The following NRF1 variants were observed in gnomAD, a reference collection of about 807,000 sequenced individuals.
NRF1 encodes the protein nuclear respiratory factor 1.
In NRF1, 5 loss-of-function variants were observed where a neutral mutation model predicts 58.5. The ratio of observed to expected loss-of-function variants is 0.09; its 90% CI spans 0.04 to 0.18. NRF1 has a LOEUF of 0.18. Among genes scored for constraint, NRF1 ranks in the 10% least tolerant of loss-of-function variants. The pLI is 1.00. For synonymous variants in NRF1, 224 were observed against 246.7 expected, an observed-to-expected ratio of 0.91 and a Z score of 0.86; for missense variants, 288 against 657.7, an observed-to-expected ratio of 0.44 and a Z score of 6.15.
intron 10 of NRF1, among the ~76,000 whole-genome samples, chr7:129,733,777 G>A (rs914304869): frequency 1.3e-5 from 2 of 152,112 alleles, no homozygotes; most frequent in Admixed American, 1.3e-4. Context: ...TAATCCTAAC[G>A]CTTTGAAAGG....
chr7:129,631,505 A>G (rs1340381026), intron 1 of NRF1, among the ~76,000 whole-genome samples: 1 of 152,140 alleles, frequency 6.6e-6, no homozygotes, highest in Non-Finnish European at 1.5e-5. Flanking sequence ...TAGCTCAATC[A>G]GTTCTCCCAC....
In NRF1 at chr7:129,744,037, C is replaced by T. The variant is rs566177226; in HGVS notation, c.1349-10981C>T. The T allele has an allele frequency of 8.2e-5, 55 of 670,664 alleles. 1 individual carries two copies. The highest frequency in any genetic ancestry group is 1.8e-4 in the Admixed American group (6 of 32,696). 41.5% of individuals were successfully genotyped at this position (670,664 alleles called of 1,614,324 possible). A position where few individuals can be genotyped will look rare whatever the true frequency, so the allele number is the denominator to read the frequency against. On this transcript the variant is annotated intron_variant, in intron 10 of 10. Coordinates refer to ENST00000393232, the MANE Select transcript of NRF1 (RefSeq NM_005011.5). ...GCATGCTTGCCGAAGGCTTTCCTCA[C>T]GGGTGGAAGGAGCGAGGCTGTGCAC...
intron 5 of NRF1, among the ~76,000 whole-genome samples, chr7:129,692,397 A>G (rs964666692): frequency 3.9e-5 from 6 of 152,058 alleles, no homozygotes; most frequent in Non-Finnish European, 7.4e-5. Flanking sequence ...CAAAAAATAC[A>G]AAAATTAGCT....
chr7:129,686,071 C>T (rs1802436628), intron 4 of NRF1, among the ~76,000 whole-genome samples: 1 of 141,898 alleles, frequency 7.0e-6, no homozygotes. Flanking sequence ...CACTGCACTC[C>T]AGCCTAGGCA....
At chr7:129,748,040 C>G (rs541698127) in intron 10 of NRF1, among the ~76,000 whole-genome samples, 1 of 152,208 alleles carries the variant, frequency 6.6e-6, no homozygotes, top group Admixed American at 6.5e-5. Context: ...CTTTGGGAGG[C>G]CGAGGCAGGT....
chr7:129,648,685 T>C (rs944249867), intron 1 of NRF1, among the ~76,000 whole-genome samples: 1 of 152,316 alleles, frequency 6.6e-6, no homozygotes, highest in South Asian at 2.1e-4. Flanking sequence ...CTGCTAATAA[T>C]GTCTCCTGAC....
chr7:129,676,847 C>G (rs1724705323), intron 3 of NRF1, among the ~76,000 whole-genome samples: 1 of 152,046 alleles, frequency 6.6e-6, no homozygotes, highest in African/African-American at 2.4e-5. Flanking sequence ...CACAATAAAA[C>G]TAGGTATGCT....
At chr7:129,612,822 T>G (rs1800568645) in intron 1 of NRF1, among the ~76,000 whole-genome samples, 1 of 152,210 alleles carries the variant, frequency 6.6e-6, no homozygotes, top group Non-Finnish European at 1.5e-5. Context: ...TGTTGTGTCG[T>G]GGCTGCTGGT....
chr7:129,729,161 G>C (rs1803520783), intron 10 of NRF1, among the ~76,000 whole-genome samples: 1 of 152,148 alleles, frequency 6.6e-6, no homozygotes, highest in Non-Finnish European at 1.5e-5. Flanking sequence ...GACTTGACCT[G>C]TCTGGGAGAG....
intron 1 of NRF1, among the ~76,000 whole-genome samples, chr7:129,622,571 C>CTTTTTTT (rs71527916): frequency 7.5e-6 from 1 of 132,566 alleles, no homozygotes; most frequent in African/African-American, 2.7e-5. Flanking sequence ...CTTTTCTTTT[C>CTTTTTTT]TTTTTTTTTT....
chr7:129,743,500 T>C (rs1803897881), intron 10 of NRF1, among the ~76,000 whole-genome samples: 1 of 152,240 alleles, frequency 6.6e-6, no homozygotes, highest in African/African-American at 2.4e-5. Flanking sequence ...TCCATTTGTC[T>C]GTGTCTAGTA....
intron 6 of NRF1, among the ~76,000 whole-genome samples, chr7:129,710,032 G>A (rs551051471): frequency 1.1e-4 from 16 of 152,056 alleles, no homozygotes; most frequent in African/African-American, 2.2e-4. Flanking sequence ...GCCTGGCCAC[G>A]TATTTATTTT....
chr7:129,631,640 A>G (rs909359988), intron 1 of NRF1, among the ~76,000 whole-genome samples: 20 of 152,162 alleles, frequency 1.3e-4, no homozygotes, highest in African/African-American at 4.3e-4. Flanking sequence ...ATCATAGCAT[A>G]TTATAAGATG....
At chr7:129,629,591 G>C (rs1360788897) in intron 1 of NRF1, among the ~76,000 whole-genome samples, 2 of 152,112 alleles carry the variant, frequency 1.3e-5, no homozygotes, top group Non-Finnish European at 2.9e-5. Context: ...CACGCTTTTT[G>C]AGACAGCCAT....
At chr7:129,746,362 C>T (rs900487925) in intron 10 of NRF1, among the ~76,000 whole-genome samples, 1 of 152,150 alleles carries the variant, frequency 6.6e-6, no homozygotes, top group South Asian at 2.1e-4. Flanking sequence ...TACATATGTC[C>T]TCTTTCCATC....
At chr7:129,750,280 C>G (rs924042132) in intron 10 of NRF1, among the ~76,000 whole-genome samples, 3 of 152,180 alleles carry the variant, frequency 2.0e-5, no homozygotes, top group Non-Finnish European at 4.4e-5. Context: ...TGAGCAGATG[C>G]AGGGACAGTC....
rs1031750548 is a variant in NRF1 at position 129,754,910 on chromosome 7, G to A, written c.1349-108G>A. 6.4e-6 allele frequency: 7 copies of A among 1,094,416 alleles called. No homozygotes were observed. The African/African-American group carries it at 1.1e-4, about 18-fold the overall frequency. 67.8% of individuals were successfully genotyped at this position (1,094,416 alleles called of 1,614,324 possible). ...GGGCCATGGGTATGTGATCACCTGA[G>A]GCTGGTGACCACGATACCTCAAAGG... is the stretch of plus-strand genomic sequence containing the variant. On this transcript the variant is annotated intron_variant, in intron 10 of 10. Coordinates refer to ENST00000393232, the MANE Select transcript of NRF1 (RefSeq NM_005011.5).
intron 5 of NRF1, among the ~76,000 whole-genome samples, chr7:129,691,861 T>C (rs899301752): frequency 6.6e-6 from 1 of 152,088 alleles, no homozygotes; most frequent in African/African-American, 2.4e-5. Flanking sequence ...CCTCTTCCTC[T>C]TCTTACCTGA....
intron 7 of NRF1, 93 bp from the exon 8 acceptor site, chr7:129,711,379 GTGC>G: frequency 1.2e-6 from 1 of 812,630 alleles, no homozygotes; most frequent in East Asian, 2.7e-5. Flanking sequence ...TTTGTTATCT[GTGC>G]TGAATTTGGG....
Sources: gnomAD v4.1 joint callset for allele counts (sites outside exome capture counted in the v4.1 genomes callset) on GRCh38, gnomAD v4.1.1 for gene constraint, MANE v1.5 for transcripts, NCBI Gene and HGNC (gene_info 2026-07-23, HGNC 2026-07-21) for gene names.